The following AMMECR1 variants were observed in gnomAD, a reference collection of about 807,000 sequenced individuals.
AMMECR1 encodes the protein AMMECR nuclear protein 1.
A neutral mutation model predicts 22.5 loss-of-function variants in AMMECR1; 3 were observed. The ratio of observed to expected loss-of-function variants is 0.13; its 90% CI spans 0.06 to 0.35. The LOEUF (loss-of-function observed/expected upper bound fraction) is 0.35, where lower values mean the gene tolerates loss of function less well. Among genes scored for constraint, AMMECR1 ranks in the 10% least tolerant of loss-of-function variants. The pLI, the probability that AMMECR1 is intolerant of heterozygous loss-of-function variation, is 1.00. For missense variants in AMMECR1, 235 were observed against 278.7 expected, an observed-to-expected ratio of 0.84 and a Z score of 1.12; for synonymous variants, 130 against 116.7, an observed-to-expected ratio of 1.11 and a Z score of -0.74.
At position 110,264,391 on chromosome X, in the gene AMMECR1, C is replaced by T. The variant is rs769716599; in HGVS notation, c.584+98G>A. 1.9e-5 allele frequency: 9 copies of T among 482,115 alleles called. No homozygotes were observed. In the South Asian group the frequency reaches 2.7e-4, roughly 15 times the overall value. The allele number at this position is 482,115 out of a possible 1,213,427, so 39.7% of individuals were successfully genotyped here. ...AACCTGACATGAAGGAAGACAAGAA[C>T]GTTGACAATTCAGTAAAAGGAGTTA... On this transcript the variant is annotated intron_variant, in intron 2 of 5. Coordinates refer to ENST00000262844, the MANE Select transcript of AMMECR1 (RefSeq NM_015365.3).
chrX:110,294,222 G>A (rs1013854069), intron 1 of AMMECR1, among the ~76,000 whole-genome samples: 5 of 111,881 alleles, frequency 4.5e-5, no homozygotes, highest in Non-Finnish European at 9.4e-5. Flanking sequence ...CCTCATCCCC[G>A]AGGATGTTGC....
At chrX:110,410,243 T>G (rs1291956378) in intron 2 of AMMECR1, among the ~76,000 whole-genome samples, 1 of 111,396 alleles carries the variant, frequency 9.0e-6, no homozygotes, top group Non-Finnish European at 1.9e-5. Flanking sequence ...ATTATTAGTG[T>G]GGGAAGAAGG....
chrX:110,317,473 C>G, intron 1 of AMMECR1, 126 bp downstream of exon 1: 1 of 1,052,814 alleles, frequency 9.5e-7, no homozygotes, highest in Non-Finnish European at 1.2e-6. Flanking sequence ...AGTTGAGTAG[C>G]TCCGGGGACC....
chrX:110,336,422 G>T (rs181085575), intron 2 of AMMECR1, among the ~76,000 whole-genome samples: 1 of 110,765 alleles, frequency 9.0e-6, no homozygotes, highest in Non-Finnish European at 1.9e-5. Flanking sequence ...GGTGGCTCAC[G>T]CCTGTAATCC....
Position 110,197,216 on chromosome X carries a change from T to G in AMMECR1, c.*1304A>C, listed in dbSNP as rs1409538054. ...CCATTTTCACAGGTGTGACATAACA[T>G]CTTATCAATGTAGTAAATGTGTTTC... On this transcript the variant is annotated 3_prime_UTR_variant, in exon 6 of 6. Transcript: ENST00000262844. 2 of 112,229 alleles carry G rather than the reference T, an allele frequency of 1.8e-5. No individual in the cohort carries two copies. Among genetic ancestry groups the G allele is most frequent in the Non-Finnish European group, 3.8e-5 (2 of 53,153 alleles). The allele number at this position is 112,229 out of a possible 1,213,427, so 9.2% of individuals were successfully genotyped here.
intron 1 of AMMECR1, among the ~76,000 whole-genome samples, chrX:110,296,060 C>T (rs773627890): frequency 2.7e-5 from 3 of 112,008 alleles, no homozygotes; most frequent in Non-Finnish European, 5.7e-5. Flanking sequence ...TTTCATTTCA[C>T]CCTGAAGGAT....
At chrX:110,427,390 GTTA>G (rs1444799700) in intron 1 of AMMECR1, among the ~76,000 whole-genome samples, 1 of 111,861 alleles carries the variant, frequency 8.9e-6, no homozygotes, top group Non-Finnish European at 1.9e-5. Flanking sequence ...ACTTCTTAAA[GTTA>G]GAGTACGTAC....
intron 2 of AMMECR1, among the ~76,000 whole-genome samples, chrX:110,226,579 C>T (rs1313589033): frequency 1.8e-5 from 2 of 110,734 alleles, no homozygotes; most frequent in African/African-American, 6.6e-5. Context: ...TGCACTCCAG[C>T]CCAGGCAACA....
chrX:110,317,870 A>G lies in AMMECR1; in HGVS notation c.202T>C (p.Cys68Arg). ...GLTGGGSGSGCTLSPPQGCGG... is the reference protein window; with the variant it reads ...GLTGGGSGSGRTLSPPQGCGG... ...CAGCCCTGGGGGGGAGAGAGGGTACAGCCGCTGCCGCTACCTCCTCCGGTT... is the reference window on the plus strand; with the variant it reads ...CAGCCCTGGGGGGGAGAGAGGGTACGGCCGCTGCCGCTACCTCCTCCGGTT... The change falls in exon 1 of 6, where the codon TGT becomes CGT. Residue 68 changes from cysteine (C) to arginine (R), a missense_variant. Coordinates refer to ENST00000262844, the MANE Select transcript of AMMECR1 (RefSeq NM_015365.3). The G allele has an allele frequency of 1.7e-5, 20 of 1,179,708 alleles. No individual in the cohort carries two copies. Among genetic ancestry groups the G allele is most frequent in the Non-Finnish European group, 2.3e-5 (20 of 879,558 alleles).
At chrX:110,243,343 T>C (rs1422387813) in intron 2 of AMMECR1, among the ~76,000 whole-genome samples, 1 of 111,996 alleles carries the variant, frequency 8.9e-6, no homozygotes, top group Non-Finnish European at 1.9e-5. Context: ...AAGAGTTTCA[T>C]AGTTAGGACA....
At chrX:110,422,132 G>A (rs2068721666) in intron 2 of AMMECR1, among the ~76,000 whole-genome samples, 1 of 113,092 alleles carries the variant, frequency 8.8e-6, no homozygotes, top group African/African-American at 3.2e-5. Context: ...CTGGCACAGA[G>A]TAAGTGCTCA....
chrX:110,406,477 G>T (rs2068603101), intron 2 of AMMECR1, among the ~76,000 whole-genome samples: 1 of 112,102 alleles, frequency 8.9e-6, no homozygotes, highest in Non-Finnish European at 1.9e-5. Context: ...TGGTGTATGT[G>T]TGCCACATTT....
At chrX:110,202,999 G>A (rs1260345455) in intron 3 of AMMECR1, among the ~76,000 whole-genome samples, 2 of 111,913 alleles carry the variant, frequency 1.8e-5, no homozygotes, top group South Asian at 3.7e-4. Context: ...TGTCTACTCC[G>A]TTTAAAACAT....
chrX:110,426,219 A>G (rs1019547076), intron 2 of AMMECR1, among the ~76,000 whole-genome samples: 5 of 112,591 alleles, frequency 4.4e-5, no homozygotes, highest in African/African-American at 1.6e-4. Flanking sequence ...TCATCGATTC[A>G]GCCAGAGAAT....
At chrX:110,282,883 G>A (rs755493343) in intron 1 of AMMECR1, among the ~76,000 whole-genome samples, 20 of 110,802 alleles carry the variant, frequency 1.8e-4, no homozygotes, top group African/African-American at 5.6e-4. Flanking sequence ...TCTTCTTCTC[G>A]GCAAGATTGG....
At chrX:110,342,985 C>T (rs934044165) in intron 2 of AMMECR1, among the ~76,000 whole-genome samples, 2 of 111,360 alleles carry the variant, frequency 1.8e-5, no homozygotes, top group African/African-American at 6.5e-5. Flanking sequence ...CTCTCTAACT[C>T]GTTTTATGAG....
intron 2 of AMMECR1, among the ~76,000 whole-genome samples, chrX:110,343,361 T>C (rs1374280045): frequency 9.0e-6 from 1 of 111,094 alleles, no homozygotes; most frequent in African/African-American, 3.3e-5. Context: ...TAAGAGCTAT[T>C]TATGACAAAC....
intron 1 of AMMECR1, among the ~76,000 whole-genome samples, chrX:110,283,070 T>A (rs1383806301): frequency 2.7e-5 from 3 of 111,120 alleles, no homozygotes; most frequent in South Asian, 3.8e-4. Flanking sequence ...AAAAAAAAAA[T>A]GTTTATCCAC....
intron 3 of AMMECR1, among the ~76,000 whole-genome samples, chrX:110,210,574 G>T (rs1437303657): frequency 8.9e-6 from 1 of 111,899 alleles, no homozygotes; most frequent in Admixed American, 9.5e-5. Flanking sequence ...GCTAAAAAAT[G>T]TAAACCTTTA....
Sources: gnomAD v4.1 joint callset for allele counts (sites outside exome capture counted in the v4.1 genomes callset) on GRCh38, gnomAD v4.1.1 for gene constraint, MANE v1.5 for transcripts, NCBI Gene and HGNC (gene_info 2026-07-23, HGNC 2026-07-21) for gene names.